Variants in GBF1 observed in about 807,000 individuals in gnomAD.
GBF1 encodes the protein Golgi-specific brefeldin A-resistance guanine nucleotide exchange factor 1.
In GBF1, 114 loss-of-function variants were observed where a neutral mutation model predicts 210.5. The ratio of observed to expected loss-of-function variants is 0.54; its 90% CI spans 0.47 to 0.63. The LOEUF (loss-of-function observed/expected upper bound fraction) is 0.63, where lower values mean the gene tolerates loss of function less well. Ranked by LOEUF, GBF1 falls within the 30% of genes least tolerant of loss-of-function variation. The pLI is 0.00. For missense variants in GBF1, 1,851 were observed against 2,357.7 expected (o/e 0.79, Z 4.45); for synonymous variants, 850 against 889.2 (o/e 0.96, Z 0.78).
intron 33 of GBF1, among the ~76,000 whole-genome samples, chr10:102,377,473 C>G (rs2060577609): frequency 6.6e-6 from 1 of 152,106 alleles, no homozygotes; most frequent in Admixed American, 6.5e-5. Flanking sequence ...CCTGCCTCAG[C>G]CTTCCAAGTA....
intron 3 of GBF1, among the ~76,000 whole-genome samples, chr10:102,335,980 T>TTA (rs1358912474): frequency 5.9e-5 from 9 of 151,984 alleles, no homozygotes; most frequent in South Asian, 2.1e-4. Flanking sequence ...GGTAGAATTT[T>TTA]TATATATATA....
upstream of GBF1, among the ~76,000 whole-genome samples, chr10:102,243,435 T>C (rs1255797537): frequency 6.6e-6 from 1 of 152,246 alleles, no homozygotes; most frequent in Non-Finnish European, 1.5e-5. Flanking sequence ...GGTAAGATGA[T>C]GATTAGTGGT....
chr10:102,359,411 T>C lies in GBF1; in HGVS notation c.1156T>C (p.Phe386Leu), dbSNP rs1301241477. The C allele has an allele frequency of 6.2e-7, 1 of 1,613,808 alleles. No homozygotes were observed. The stretch of plus-strand genomic sequence containing the variant: ...TTACGTCAATCCCCGGGGCGTGCGC[T>C]TTACACAGTCCTCCCAGAAAGAAGG... ...MDYVNPRGVR[F>L]TQSSQKEGTA... Residue 386 changes from phenylalanine to leucine, a missense_variant, in exon 11 of 40, where the codon TTT (phenylalanine) becomes CTT (leucine). Around this residue, in one of 3 missense-constraint regions of GBF1, gnomAD observed 804 missense variants for 958.6 expected, o/e 0.84. Transcript: ENST00000369983.
At chr10:102,230,726 C>T in the GBF1 span, 40 of 1,517,498 alleles carry the variant, frequency 2.6e-5, no homozygotes, top group Non-Finnish European at 3.2e-5. Context: ...GACACGGCCC[C>T]GGAGGACACG....
intron 3 of GBF1, among the ~76,000 whole-genome samples, chr10:102,295,836 G>A (rs1396644008): frequency 2.6e-5 from 4 of 152,160 alleles, no homozygotes; most frequent in Admixed American, 2.0e-4. Flanking sequence ...TACTGATTAA[G>A]GGTTGTCACC....
At chr10:102,274,353 C>G (rs2074720209) in intron 3 of GBF1, among the ~76,000 whole-genome samples, 1 of 152,142 alleles carries the variant, frequency 6.6e-6, no homozygotes, top group African/African-American at 2.4e-5. Flanking sequence ...CTAGCCCTGC[C>G]TGCTTGGCAG....
intron 36 of GBF1, 98 bp from the exon 37 acceptor site, chr10:102,380,151 T>G (rs951690752): frequency 1.1e-5 from 9 of 830,526 alleles, no homozygotes; most frequent in African/African-American, 1.7e-5. Context: ...TGATCTAAGA[T>G]TCTCATGCAA....
At chr10:102,304,229 G>A (rs2077640537) in intron 3 of GBF1, among the ~76,000 whole-genome samples, 1 of 152,040 alleles carries the variant, frequency 6.6e-6, no homozygotes, top group Non-Finnish European at 1.5e-5. Flanking sequence ...CTTAGAAAGG[G>A]GATATGGACC....
At chr10:102,374,853 G>A (rs1054077761) in intron 29 of GBF1, among the ~76,000 whole-genome samples, 3 of 152,136 alleles carry the variant, frequency 2.0e-5, no homozygotes, top group African/African-American at 7.2e-5. Flanking sequence ...AACTGCATAT[G>A]AGCCTATAAT....
intron 17 of GBF1, among the ~76,000 whole-genome samples, chr10:102,364,247 C>T (rs2059783223): frequency 5.2e-5 from 5 of 95,500 alleles, no homozygotes; most frequent in East Asian, 3.9e-4. Context: ...TTTTTTCAGA[C>T]GGAGTCTCTC....
intron 3 of GBF1, among the ~76,000 whole-genome samples, chr10:102,301,685 G>A (rs1227663542): frequency 4.0e-5 from 6 of 151,560 alleles, no homozygotes; most frequent in African/African-American, 1.2e-4. Flanking sequence ...GGGCAGAGGC[G>A]CTCCCCACAT....
chr10:102,325,346 C>A (rs2056799133), intron 3 of GBF1, among the ~76,000 whole-genome samples: 1 of 151,996 alleles, frequency 6.6e-6, no homozygotes, highest in East Asian at 1.9e-4. Context: ...GTCAGGAGTT[C>A]AAGACCAGCC....
intron 3 of GBF1, among the ~76,000 whole-genome samples, chr10:102,302,892 G>A (rs929015164): frequency 6.6e-6 from 1 of 151,894 alleles, no homozygotes; most frequent in African/African-American, 2.4e-5. Flanking sequence ...ACTGTCGTTA[G>A]TGCCAAGGTT....
chr10:102,273,783 T>A (rs971374349), intron 3 of GBF1, among the ~76,000 whole-genome samples: 3 of 152,370 alleles, frequency 2.0e-5, no homozygotes, highest in East Asian at 3.8e-4. Flanking sequence ...AGAGATTAAT[T>A]TGAGCCTATT....
intron 3 of GBF1, among the ~76,000 whole-genome samples, chr10:102,278,554 A>T (rs914768361): frequency 3.3e-5 from 5 of 152,232 alleles, no homozygotes; most frequent in African/African-American, 1.2e-4. Flanking sequence ...TGATATTTTG[A>T]TACATGAGTA....
upstream of GBF1, among the ~76,000 whole-genome samples, chr10:102,242,978 A>T (rs541420302): frequency 6.6e-6 from 1 of 150,562 alleles, no homozygotes; most frequent in East Asian, 2.0e-4. Context: ...ATATGCCCCT[A>T]AGGCAAATCT....
At chr10:102,368,917 G>C (rs1465289160) in intron 23 of GBF1, 85 bp downstream of exon 23, 12 of 956,706 alleles carry the variant, frequency 1.3e-5, no homozygotes, top group Non-Finnish European at 2.0e-5. Flanking sequence ...CAACAGACCT[G>C]GTTGCCCTCA....
intron 3 of GBF1, 93 bp from the exon 4 acceptor site, chr10:102,343,958 G>C: frequency 3.3e-6 from 3 of 917,624 alleles, no homozygotes; most frequent in Non-Finnish European, 5.2e-6. Context: ...CAACAACAAA[G>C]ACCTCTAGCC....
the GBF1 span, among the ~76,000 whole-genome samples, chr10:102,234,399 G>A: frequency 1.3e-5 from 2 of 152,288 alleles, no homozygotes; most frequent in Non-Finnish European, 2.9e-5. Flanking sequence ...AAGAGACAGG[G>A]CTGGAGGGAA....
Sources: allele counts gnomAD v4.1 joint callset (sites outside exome capture counted in the v4.1 genomes callset), GRCh38; gene constraint gnomAD v4.1.1; regional missense constraint gnomAD v4.1.1; transcripts MANE v1.5; gene names NCBI Gene and HGNC (gene_info 2026-07-23, HGNC 2026-07-21).